The following CCDC57 variants were observed in gnomAD, a reference collection of about 807,000 sequenced individuals.
CCDC57 encodes coiled-coil domain containing 57, also known as coiled-coil domain-containing protein 57.
Under a neutral mutation model 118.9 loss-of-function variants are expected in CCDC57, and 118 were observed. The ratio of observed to expected loss-of-function variants is 0.99; its 90% CI spans 0.86 to 1.16. The LOEUF is 1.16. Ranked by LOEUF, CCDC57 falls within the 50% of genes most tolerant of loss-of-function variation. CCDC57 has a pLI of 0.00. For missense variants in CCDC57, 1,300 were observed against 1,320.7 expected (o/e 0.98, Z 0.24); for synonymous variants, 527 against 532.9 (o/e 0.99, Z 0.15).
intron 8 of CCDC57, among the ~76,000 whole-genome samples, chr17:82,187,522 C>T (rs1413462542): frequency 1.4e-5 from 1 of 73,768 alleles, no homozygotes; most frequent in South Asian, 6.5e-4. Flanking sequence ...TGGAGGTGGC[C>T]GGGGCTGGTG....
At chr17:82,151,220 CACCCAGA>C (rs1382352542) in intron 16 of CCDC57, among the ~76,000 whole-genome samples, 2 of 140,276 alleles carry the variant, frequency 1.4e-5, no homozygotes, top group Non-Finnish European at 3.1e-5. Context: ...ACCTGACCCA[CACCCAGA>C]ACCTGGCACA....
chr17:82,164,584 T>C (rs2043756166), intron 13 of CCDC57, among the ~76,000 whole-genome samples: 1 of 152,044 alleles, frequency 6.6e-6, no homozygotes, highest in African/African-American at 2.4e-5. Flanking sequence ...ACCAATATAA[T>C]TAATGGCAAA....
exon 18 of CCDC57, chr17:82,128,534 C>T (rs1377006674): frequency 6.4e-7 from 1 of 1,574,358 alleles, no homozygotes; most frequent in South Asian, 1.2e-5. Flanking sequence ...CCCACCTGTG[C>T]TGAGCGGGGC....
In CCDC57 at chr17:82,172,985, G is replaced by T; in HGVS notation, c.1507-125C>A. ...GTCCCCCGCTTCAGCTTGGGCTGTG[G>T]TCCCTCCCCATCCCCAGGCTGTGAT... On this transcript the variant is annotated intron_variant, in intron 11 of 19. Transcript: ENST00000665763. This position sits in a 1 kb window ranked among gnomAD's most constrained non-coding sequence, Gnocchi z 5.2. 1.3e-6 allele frequency: 1 copy of T among 791,450 alleles called. No homozygotes were observed. The highest frequency in any genetic ancestry group is 2.1e-6 in the Non-Finnish European group (1 of 472,160). 49.0% of individuals were successfully genotyped at this position (791,450 alleles called of 1,614,324 possible). A position where few individuals can be genotyped will look rare whatever the true frequency, so the allele number is the denominator to read the frequency against.
At chr17:82,165,678 C>T (rs1287878462) in intron 13 of CCDC57, among the ~76,000 whole-genome samples, 1 of 152,114 alleles carries the variant, frequency 6.6e-6, no homozygotes, top group African/African-American at 2.4e-5. Flanking sequence ...AGGAGGTCTG[C>T]GTGAAGACCC....
At chr17:82,204,564 A>G (rs1435508659) in intron 2 of CCDC57, among the ~76,000 whole-genome samples, 1 of 152,192 alleles carries the variant, frequency 6.6e-6, no homozygotes, top group Admixed American at 6.5e-5. Flanking sequence ...CGGGCGGATC[A>G]TAAGGTCAGG....
chr17:82,190,110 G>T (rs892789782), intron 7 of CCDC57, among the ~76,000 whole-genome samples: 2 of 78,984 alleles, frequency 2.5e-5, no homozygotes, highest in Admixed American at 1.4e-4. Context: ...ACCTCTCAAG[G>T]TTCTTCATAT....
intron 19 of CCDC57, chr17:82,112,658 G>A (rs934336820): frequency 6.6e-6 from 1 of 152,320 alleles, no homozygotes; most frequent in African/African-American, 2.4e-5. Flanking sequence ...TGCAGTCTCA[G>A]CTCCGTAAGG....
chr17:82,143,674 CA>C (rs1475619644), intron 16 of CCDC57, among the ~76,000 whole-genome samples: 2 of 152,110 alleles, frequency 1.3e-5, no homozygotes, highest in Non-Finnish European at 2.9e-5. Flanking sequence ...ACCAGCCAAC[CA>C]ACCTAAAATT....
At chr17:82,184,031 GCACACACACACACACACACACACACA>G (rs71166198) in intron 8 of CCDC57, 99 bp from the exon 8 acceptor site, 47 of 131,898 alleles carry the variant, frequency 3.6e-4, no homozygotes, top group African/African-American at 1.7e-3. Flanking sequence ...GCGCGCGCGC[GCACACACACACACACACACACACACA>G]CACACACACA....
chr17:82,207,816 G>A (rs1466724711), intron 2 of CCDC57: 1 of 152,184 alleles, frequency 6.6e-6, no homozygotes, highest in Non-Finnish European at 1.5e-5. Context: ...TTATGTCTTG[G>A]GTGTTTATGT....
At chr17:82,132,942 T>C (rs566094011) in intron 17 of CCDC57, among the ~76,000 whole-genome samples, 4 of 152,172 alleles carry the variant, frequency 2.6e-5, no homozygotes, top group South Asian at 2.1e-4. Flanking sequence ...GTATTTTTAG[T>C]AGAGACGGGG....
chr17:82,195,426 G>C, intron 4 of CCDC57, 62 bp from the exon 4 acceptor site: 12 of 1,279,354 alleles, frequency 9.4e-6, no homozygotes, highest in African/African-American at 2.9e-5. Flanking sequence ...CCCCACCCAC[G>C]TCCTGGGAGG....
At chr17:82,108,226 G>C (rs749320869) in intron 19 of CCDC57, among the ~76,000 whole-genome samples, 3 of 152,228 alleles carry the variant, frequency 2.0e-5, no homozygotes, top group Non-Finnish European at 4.4e-5. Context: ...CTGGCGCTCT[G>C]CCTCCTAGTG....
chr17:82,107,755 T>A, intron 19 of CCDC57: 1 of 376,340 alleles, frequency 2.7e-6, no homozygotes, highest in Non-Finnish European at 5.4e-6. Context: ...GGGCTGGAAG[T>A]CGTGGACCGG....
chr17:82,211,550 A>T (rs914048713), intron 1 of CCDC57, among the ~76,000 whole-genome samples: 118 of 145,172 alleles, frequency 8.1e-4, no homozygotes, highest in Non-Finnish European at 9.3e-4. Context: ...GTTACAGATA[A>T]TTTTTTTTTT....
intron 16 of CCDC57, chr17:82,134,461 G>A (rs1568210296): frequency 3.1e-6 from 1 of 323,442 alleles, no homozygotes; most frequent in Non-Finnish European, 5.6e-6. Context: ...TTCGCTAACA[G>A]AAGCACCCAG....
chr17:82,134,142 G>A, exon 17 of CCDC57: 6 of 1,382,548 alleles, frequency 4.3e-6, no homozygotes, highest in East Asian at 3.1e-5. Context: ...TGGGCTCCTC[G>A]CCTGGCTTCC....
intron 9 of CCDC57, 90 bp from the exon 9 acceptor site, chr17:82,179,279 C>T (rs955922611): frequency 1.7e-5 from 24 of 1,434,422 alleles, no homozygotes; most frequent in Admixed American, 4.2e-5. Flanking sequence ...GCAGGGCTGC[C>T]GCTGTCCCTC....
Sources: allele counts gnomAD v4.1 joint callset (sites outside exome capture counted in the v4.1 genomes callset), GRCh38; gene constraint gnomAD v4.1.1; non-coding constraint Gnocchi (gnomAD v3.1); transcripts MANE v1.5; gene names NCBI Gene and HGNC (gene_info 2026-07-23, HGNC 2026-07-21).